LPIN1: variants seen among roughly 807,000 people sequenced by gnomAD.
LPIN1 encodes lipin 1, also known as phosphatidate phosphatase LPIN1.
LPIN1 carries 71 observed loss-of-function variants against 107.5 expected under a neutral mutation model. The ratio of observed to expected loss-of-function variants is 0.66; its 90% CI spans 0.55 to 0.80. LPIN1 has a LOEUF of 0.80. Among genes scored for constraint, LPIN1 ranks in the 30% least tolerant of loss-of-function variants. LPIN1 has a pLI of 0.00. For missense variants in LPIN1, 1,043 were observed against 1,160.6 expected (o/e 0.90, Z 1.47); for synonymous variants, 445 against 452.6 (o/e 0.98, Z 0.21).
At position 11,808,299 on chromosome 2, in the gene LPIN1, G is replaced by T. The variant is rs534376333; in HGVS notation, c.2249+3143G>T. On this transcript the variant is annotated intron_variant, in intron 17 of 20. Transcript: ENST00000674199. ...ATGAAAGTAATTCCCATCCTAGCAG[G>T]CTCTCTCAAGCCTCCTCACACGAGG... Among the ~76,000 whole-genome samples, 23 of 152,196 alleles carry T rather than the reference G, an allele frequency of 1.5e-4. No homozygotes were observed. In the South Asian group the frequency reaches 4.8e-3, roughly 32 times the overall value.
chr2:11,736,806 T>A (rs997620717), intron 1 of LPIN1, among the ~76,000 whole-genome samples: 1 of 152,200 alleles, frequency 6.6e-6, no homozygotes, highest in Admixed American at 6.5e-5. Context: ...TTTGCAGCCC[T>A]CTCCATAAGC....
At chr2:11,777,679 C>T (rs1326651519) in intron 6 of LPIN1, among the ~76,000 whole-genome samples, 3 of 152,154 alleles carry the variant, frequency 2.0e-5, no homozygotes, top group Admixed American at 6.5e-5. Context: ...CCGTAAAGCC[C>T]GAGATATCTG....
At chr2:11,677,679 G>T (rs1241968186) in exon 1 of LPIN1, 1 of 1,535,762 alleles carries the variant, frequency 6.5e-7, no homozygotes, top group South Asian at 1.2e-5. Context: ...CGCAGCTCCA[G>T]CTGGGAGACC....
At chr2:11,691,084 G>GTTTTTTTTTT (rs59865645) in intron 1 of LPIN1, among the ~76,000 whole-genome samples, 2 of 140,604 alleles carry the variant, frequency 1.4e-5, no homozygotes, top group Admixed American at 7.0e-5. Context: ...TCTTGTTGTG[G>GTTTTTTTTTT]TTTTTTTTTT....
At chr2:11,688,585 AG>A (rs1662124848) in intron 1 of LPIN1, among the ~76,000 whole-genome samples, 1 of 152,220 alleles carries the variant, frequency 6.6e-6, no homozygotes, top group Non-Finnish European at 1.5e-5. Context: ...GTCCTGGCCC[AG>A]AAATACCCTC....
rs6727094 is a variant in LPIN1, at chr2:11,788,994, C to T, written c.1713+538C>T. 8.1e-4 allele frequency among the ~76,000 whole-genome samples: 123 copies of T among 152,322 alleles called. 1 individual carries two copies. The highest frequency in any genetic ancestry group is 2.9e-3 in the African/African-American group (122 of 41,562). On this transcript the variant is annotated intron_variant, in intron 12 of 20. Coordinates refer to ENST00000674199, the MANE Select transcript of LPIN1 (RefSeq NM_001349206.2). ...CGTAGGGAGGAGTTAGGAGGGCAGC[C>T]ACGCCACCTGCCAGTCTGCAGTGTT...
chr2:11,684,680 T>G (rs1211815968), intron 1 of LPIN1, among the ~76,000 whole-genome samples: 1 of 152,232 alleles, frequency 6.6e-6, no homozygotes, highest in African/African-American at 2.4e-5. Flanking sequence ...TTTTCTATTT[T>G]GGGGAGGTTA....
chr2:11,782,157 C>T (rs771208345), intron 7 of LPIN1, 44 bp from the exon 8 acceptor site: 5 of 1,518,342 alleles, frequency 3.3e-6, no homozygotes, highest in Non-Finnish European at 4.6e-6. Flanking sequence ...TGCCTTTGTG[C>T]TGACCTTGTC....
chr2:11,793,606 T>C (rs1397639205), intron 13 of LPIN1, among the ~76,000 whole-genome samples: 1 of 152,202 alleles, frequency 6.6e-6, no homozygotes, highest in Non-Finnish European at 1.5e-5. Flanking sequence ...GAAGGTACCT[T>C]CTACCCTGGG....
In LPIN1 at chr2:11,765,010, G is replaced by C. The variant is rs541650203; in HGVS notation, c.-9-523G>C. On this transcript the variant is annotated intron_variant, in intron 1 of 20. Coordinates refer to ENST00000674199, the MANE Select transcript of LPIN1 (RefSeq NM_001349206.2). The surrounding 1 kb of genome is among the most constrained non-coding windows in gnomAD (Gnocchi z 4.4). Reference sequence around the variant, plus strand: ...ACTGGTGGGCTTGCTGTGGGAGTTGGGGTGATAGGCCGTGATGGGCCATGA... The same window carrying C: ...ACTGGTGGGCTTGCTGTGGGAGTTGCGGTGATAGGCCGTGATGGGCCATGA... 2.0e-5 allele frequency among the ~76,000 whole-genome samples: 3 copies of C among 152,328 alleles called. No individual in the cohort carries two copies. The highest frequency in any genetic ancestry group is 4.8e-5 in the African/African-American group (2 of 41,584).
At chr2:11,688,470 C>T (rs1427592713) in intron 1 of LPIN1, among the ~76,000 whole-genome samples, 1 of 152,224 alleles carries the variant, frequency 6.6e-6, no homozygotes, top group African/African-American at 2.4e-5. Context: ...TGGGAGGATC[C>T]AGTTTCCACG....
intron 17 of LPIN1, among the ~76,000 whole-genome samples, chr2:11,805,945 C>G (rs551860295): frequency 6.6e-6 from 1 of 152,192 alleles, no homozygotes; most frequent in Non-Finnish European, 1.5e-5. Context: ...CTCTCCCGCT[C>G]AGTCATGCCT....
At chr2:11,693,788 GTATATA>G (rs869167624) in intron 1 of LPIN1, among the ~76,000 whole-genome samples, 1,726 of 40,806 alleles carry the variant, frequency 0.042, 104 homozygotes, top group Admixed American at 0.076. Flanking sequence ...GTGTGAGTGT[GTATATA>G]TATATATATA....
At chr2:11,719,745 C>T (rs992045617), upstream of LPIN1, among the ~76,000 whole-genome samples, 13 of 150,624 alleles carry the variant, frequency 8.6e-5, no homozygotes, top group African/African-American at 2.9e-4. Flanking sequence ...AGTCACTGAG[C>T]TCTTATCTAG....
chr2:11,737,500 A>T (rs1665904245), intron 1 of LPIN1, among the ~76,000 whole-genome samples: 1 of 152,256 alleles, frequency 6.6e-6, no homozygotes, highest in Admixed American at 6.5e-5. Flanking sequence ...CAAAGGTCTG[A>T]TACCCAGAAT....
At chr2:11,755,299 C>T (rs959325705) in intron 1 of LPIN1, among the ~76,000 whole-genome samples, 1 of 152,104 alleles carries the variant, frequency 6.6e-6, no homozygotes, top group African/African-American at 2.4e-5. Flanking sequence ...TAGTGCTTTT[C>T]CCCCTCGTGC....
Position 11,776,099 on chromosome 2 carries a change from T to C in LPIN1, c.736T>C (p.Cys246Arg). Residue 246 changes from cysteine (C) to arginine (R), a missense_variant, in exon 6 of 21, where the codon TGC becomes CGC. Coordinates refer to ENST00000674199, the MANE Select transcript of LPIN1 (RefSeq NM_001349206.2). ...WSPTPSSLVDCKRTAPHLAVA... is the reference protein window; with the variant it reads ...WSPTPSSLVDRKRTAPHLAVA... ...GGTGGTATCCAGTAGCCTGGTAGAT[T>C]GCAAAAGGACTGCCCCTCATCTTGC... The C allele has an allele frequency of 6.5e-7, 1 of 1,546,962 alleles. No homozygotes were observed. The highest frequency in any genetic ancestry group is 8.7e-7 in the Non-Finnish European group (1 of 1,144,488).
intron 2 of LPIN1, among the ~76,000 whole-genome samples, chr2:11,716,134 G>C (rs1338785838): frequency 6.6e-6 from 1 of 152,154 alleles, no homozygotes; most frequent in Non-Finnish European, 1.5e-5. Flanking sequence ...ACACCGAACT[G>C]CAGTCCACAG....
rs566666876 is a variant in LPIN1, at chr2:11,779,421, G to A, written c.831-98G>A. ...CCGCTCAGAGCGAACGACAGCTGGG[G>A]GTGCATTTTCTGGGCTATTTGAGCC... On this transcript the variant is annotated intron_variant, in intron 6 of 20. Coordinates refer to ENST00000674199, the MANE Select transcript of LPIN1 (RefSeq NM_001349206.2). 6.3e-6 allele frequency: 8 copies of A among 1,264,096 alleles called. No individual in the cohort carries two copies. The African/African-American group carries it at 1.2e-4, about 19-fold the overall frequency. The allele number at this position is 1,264,096 out of a possible 1,614,324, so 78.3% of individuals were successfully genotyped here.
Sources: gnomAD v4.1 joint callset for allele counts (sites outside exome capture counted in the v4.1 genomes callset) on GRCh38, gnomAD v4.1.1 for gene constraint, Gnocchi (gnomAD v3.1) non-coding constraint, MANE v1.5 for transcripts, NCBI Gene and HGNC (gene_info 2026-07-23, HGNC 2026-07-21) for gene names.